TRAPPC11: variants seen among roughly 807,000 people sequenced by gnomAD.
The protein encoded by TRAPPC11 is trafficking protein particle complex subunit 11.
Under a neutral mutation model 151.2 loss-of-function variants are expected in TRAPPC11, and 104 were observed. The ratio of observed to expected loss-of-function variants is 0.69; its 90% CI spans 0.59 to 0.81. TRAPPC11 has a LOEUF of 0.81. TRAPPC11 is among the 30% of genes least tolerant of loss of function. The pLI, the probability that TRAPPC11 is intolerant of heterozygous loss-of-function variation, is 0.00. For missense variants in TRAPPC11, 1,230 were observed against 1,349.6 expected (o/e 0.91, Z 1.39); for synonymous variants, 456 against 472.3 (o/e 0.97, Z 0.45).
rs111381550 is a variant in TRAPPC11 at position 183,691,306 on chromosome 4, C to T, written c.1894-10C>T. On this transcript the variant is annotated splice_polypyrimidine_tract_variant and intron_variant, in intron 18 of 29. Transcript: ENST00000334690. The stretch of plus-strand genomic sequence containing the variant: ...TCTGACATTTGATGACCCCTGTTCA[C>T]CTTTTTCAGGAATACAACCAGTTCT... 5.2e-5 allele frequency: 77 copies of T among 1,480,094 alleles called. No homozygotes were observed. In the African/African-American group the frequency reaches 8.5e-4, roughly 16 times the overall value. 91.7% of individuals were successfully genotyped at this position (1,480,094 alleles called of 1,614,324 possible). A position where few individuals can be genotyped will look rare whatever the true frequency, so the allele number is the denominator to read the frequency against.
intron 26 of TRAPPC11, among the ~76,000 whole-genome samples, chr4:183,704,518 CAA>C (rs140497615): frequency 1.7e-4 from 15 of 86,394 alleles, no homozygotes; most frequent in Middle Eastern, 7.8e-3. Flanking sequence ...GAGACTGTCT[CAA>C]AAAAAAAAAA....
Position 183,697,582 on chromosome 4 carries a change from A to G in TRAPPC11, c.2694+14A>G, listed in dbSNP as rs568629527. Reference sequence around the variant, plus strand: ...GTTTCTACCAAGGTATGTTTCTTTGAGGCATACTAGAAATCATTTAGGTTA... The same window carrying G: ...GTTTCTACCAAGGTATGTTTCTTTGGGGCATACTAGAAATCATTTAGGTTA... On this transcript the variant is annotated intron_variant, in intron 24 of 29. Coordinates refer to ENST00000334690, the MANE Select transcript of TRAPPC11 (RefSeq NM_021942.6). 3.7e-6 allele frequency: 6 copies of G among 1,603,776 alleles called. No homozygotes were observed. The African/African-American group carries it at 8.1e-5, about 22-fold the overall frequency.
chr4:183,690,272 A>C (rs1459961692), intron 18 of TRAPPC11, among the ~76,000 whole-genome samples: 2 of 152,230 alleles, frequency 1.3e-5, no homozygotes, highest in Non-Finnish European at 2.9e-5. Flanking sequence ...ATAGAAATGA[A>C]AATTGGCGGG....
chr4:183,679,257 C>A, intron 8 of TRAPPC11, 96 bp from the exon 9 acceptor site: 2 of 1,226,190 alleles, frequency 1.6e-6, no homozygotes, highest in South Asian at 1.9e-5. Flanking sequence ...ATTTCATTGT[C>A]TTTTTCTAAT....
At chr4:183,711,347 G>A (rs578207272) in intron 29 of TRAPPC11, among the ~76,000 whole-genome samples, 5 of 152,318 alleles carry the variant, frequency 3.3e-5, no homozygotes, top group Admixed American at 2.0e-4. Flanking sequence ...ACTAGCGACT[G>A]CCATACCAGA....
At chr4:183,701,568 A>C (rs954621790) in intron 25 of TRAPPC11, 129 bp from the exon 26 acceptor site, 42 of 639,624 alleles carry the variant, frequency 6.6e-5, no homozygotes, top group Admixed American at 3.0e-4. Flanking sequence ...TCTGAACCCT[A>C]CTTTCTAAGT....
chr4:183,683,621 G>A (rs62357994), intron 11 of TRAPPC11, among the ~76,000 whole-genome samples: 16,252 of 151,538 alleles, frequency 0.11, 936 homozygotes, highest in African/African-American at 0.13. Context: ...TGATTGTACC[G>A]CTGCACTCCA....
Position 183,697,777 on chromosome 4 carries a change from G to A in TRAPPC11, c.2793G>A (p.Glu931=). ...GGGCCCTCACTATTGTTTCCAGTGAGCTCCAGCTTGCTCCATCCATGACCA... is the reference window on the plus strand; with the variant it reads ...GGGCCCTCACTATTGTTTCCAGTGAACTCCAGCTTGCTCCATCCATGACCA... The part of the protein sequence containing the change: ...SPWALTIVSS[E]LQLAPSMTTV... The change falls in exon 25 of 30, where the codon GAG becomes GAA. Residue 931 remains glutamate (E), a synonymous_variant. Coordinates refer to ENST00000334690, the MANE Select transcript of TRAPPC11 (RefSeq NM_021942.6). The A allele has an allele frequency of 6.2e-7, 1 of 1,614,032 alleles. No homozygotes were observed. Among genetic ancestry groups the A allele is most frequent in the Non-Finnish European group, 8.5e-7 (1 of 1,180,038 alleles).
chr4:183,661,886 CAAGTG>C (rs1734568794), intron 1 of TRAPPC11, among the ~76,000 whole-genome samples: 1 of 151,424 alleles, frequency 6.6e-6, no homozygotes, highest in Admixed American at 6.6e-5. Context: ...CTCAGCCTCC[CAAGTG>C]GCTGGGACTA....
chr4:183,707,018 T>C, intron 28 of TRAPPC11, 78 bp downstream of exon 28: 1 of 1,526,650 alleles, frequency 6.6e-7, no homozygotes, highest in Non-Finnish European at 8.9e-7. Context: ...TTAGTTTTTA[T>C]GAATGAACTG....
Position 183,679,425 on chromosome 4 carries a change from T to C in TRAPPC11, c.904T>C (p.Cys302Arg). Residue 302 changes from cysteine to arginine, a missense_variant, in exon 9 of 30, where the codon TGT becomes CGT. Transcript: ENST00000334690. Reference protein sequence around the residue: ...IAQFRKHIDLCKKKIGSAELS... With the variant: ...IAQFRKHIDLRKKKIGSAELS... ...TCAGTTCCGAAAACACATCGACTTG[T>C]GTAAGAAAAAGATTGGAAGTGCAGA... 2.5e-6 allele frequency: 4 copies of C among 1,613,160 alleles called. No individual in the cohort carries two copies. The highest frequency in any genetic ancestry group is 1.1e-5 in the South Asian group (1 of 90,960).
chr4:183,684,372 C>A lies in TRAPPC11; in HGVS notation c.1421+13C>A. ...CCAAAGCTTTGAAGTGAGTCCTGTT[C>A]ACTATTTACTTTTACAAGTATTTGG... is the stretch of plus-strand genomic sequence containing the variant. On this transcript the variant is annotated intron_variant, in intron 14 of 29. Coordinates refer to ENST00000334690, the MANE Select transcript of TRAPPC11 (RefSeq NM_021942.6). The A allele has an allele frequency of 1.2e-6, 2 of 1,607,592 alleles. No individual in the cohort carries two copies. Among genetic ancestry groups the A allele is most frequent in the South Asian group, 2.2e-5 (2 of 90,760 alleles).
In TRAPPC11 at chr4:183,677,547, A is replaced by C; in HGVS notation, c.824A>C (p.Asn275Thr). 6.5e-7 allele frequency: 1 copy of C among 1,529,636 alleles called. No homozygotes were observed. The allele number at this position is 1,529,636 out of a possible 1,614,324, so 94.8% of individuals were successfully genotyped here. Reference protein sequence around the residue: ...LEIKTMAGFINYKICRLCFQH... With the variant: ...LEIKTMAGFITYKICRLCFQH... ...ATTAAGACTATGGCAGGATTTATAAACTACAAGGTAATAATTCTGCTTCCA... is the reference window on the plus strand; with the variant it reads ...ATTAAGACTATGGCAGGATTTATAACCTACAAGGTAATAATTCTGCTTCCA... The change falls in exon 8 of 30, where the codon AAC (asparagine) becomes ACC (threonine). Residue 275 changes from asparagine to threonine, a missense_variant. Physicochemically the swap from Asn to Thr is moderately conservative, Grantham distance 65 (BLOSUM62 0). Transcript: ENST00000334690.
intron 1 of TRAPPC11, among the ~76,000 whole-genome samples, chr4:183,661,757 C>CTTTTTTTTTTT (rs562308106): frequency 1.0e-5 from 1 of 100,108 alleles, no homozygotes; most frequent in African/African-American, 4.0e-5. Flanking sequence ...TTTGGAATAA[C>CTTTTTTTTTTT]TTTTTTTTTT....
intron 25 of TRAPPC11, among the ~76,000 whole-genome samples, chr4:183,700,067 C>G (rs930077364): frequency 6.6e-6 from 1 of 152,128 alleles, no homozygotes; most frequent in Admixed American, 6.5e-5. Flanking sequence ...TCATCTCAGC[C>G]TCCCAAAGTG....
At position 183,675,136 on chromosome 4, in the gene TRAPPC11, T is replaced by C. The variant is rs754804812; in HGVS notation, c.661-28T>C. ...TTTCACATTTTAAATAGAATATGTA[T>C]AATAGTAATTTTTTTGTCTCTTTTT... On this transcript the variant is annotated intron_variant, in intron 6 of 29. Coordinates refer to ENST00000334690, the MANE Select transcript of TRAPPC11 (RefSeq NM_021942.6). 4.9e-6 allele frequency: 6 copies of C among 1,229,364 alleles called. No homozygotes were observed. In the Middle Eastern group the frequency reaches 8.3e-4, roughly 169 times the overall value. 76.2% of individuals were successfully genotyped at this position (1,229,364 alleles called of 1,614,324 possible).
chr4:183,684,022 A>G lies in TRAPPC11; in HGVS notation c.1255A>G (p.Ile419Val). The part of the protein sequence containing the change: ...PEKEKVGILA[I>V]QLKERNVVHS... ...AAAAGAAAAGGTGGGAATTCTTGCC[A>G]TTCAGCTGAAGGAGAGAAATGTTGT... is the stretch of plus-strand genomic sequence containing the variant. The change falls in exon 12 of 30, where the codon ATT becomes GTT. Residue 419 changes from isoleucine to valine, a missense_variant. Ile to Val is a conservative substitution (Grantham distance 29, BLOSUM62 3). Transcript: ENST00000334690. The G allele has an allele frequency of 6.2e-7, 1 of 1,614,060 alleles. No individual in the cohort carries two copies. Among genetic ancestry groups the G allele is most frequent in the South Asian group, 1.1e-5 (1 of 91,082 alleles).
At chr4:183,685,978 T>C (rs535340413) in intron 17 of TRAPPC11, among the ~76,000 whole-genome samples, 1 of 152,286 alleles carries the variant, frequency 6.6e-6, no homozygotes, top group East Asian at 1.9e-4. Context: ...AGATTACTTA[T>C]GGGCGTGTAC....
intron 22 of TRAPPC11, 28 bp downstream of exon 22, chr4:183,694,066 G>A (rs1051582074): frequency 1.1e-5 from 17 of 1,607,626 alleles, no homozygotes; most frequent in Non-Finnish European, 1.4e-5. Flanking sequence ...GGATTGAAGA[G>A]GAAATCAATT....
Sources: gnomAD v4.1 joint callset for allele counts (sites outside exome capture counted in the v4.1 genomes callset) on GRCh38, gnomAD v4.1.1 for gene constraint, MANE v1.5 for transcripts, NCBI Gene and HGNC (gene_info 2026-07-23, HGNC 2026-07-21) for gene names.